Variants in PCDHA1 observed in about 807,000 individuals in gnomAD.
PCDHA1 encodes protocadherin alpha 1, also known as protocadherin alpha-1.
PCDHA1 carries 42 observed loss-of-function variants against 61.3 expected under a neutral mutation model. The ratio of observed to expected loss-of-function variants is 0.69; its 90% CI spans 0.54 to 0.89. The LOEUF (loss-of-function observed/expected upper bound fraction) is 0.89, where lower values mean the gene tolerates loss of function less well. Ranked by LOEUF, PCDHA1 falls within the 40% of genes least tolerant of loss-of-function variation. The pLI is 0.00. For synonymous variants in PCDHA1, 610 were observed against 553.8 expected, an observed-to-expected ratio of 1.10 and a Z score of -1.43; for missense variants, 1,256 against 1,235.3, an observed-to-expected ratio of 1.02 and a Z score of -0.25.
At chr5:140,888,394 C>T (rs1554183448) in intron 1 of PCDHA1, among the ~76,000 whole-genome samples, 2 of 152,134 alleles carry the variant, frequency 1.3e-5, no homozygotes, top group African/African-American at 2.4e-5. Flanking sequence ...TGCTAAACAC[C>T]ATCCAATTGC....
At chr5:140,839,863 C>T (rs1776446345) in intron 1 of PCDHA1, among the ~76,000 whole-genome samples, 1 of 151,846 alleles carries the variant, frequency 6.6e-6, no homozygotes, top group African/African-American at 2.4e-5. Flanking sequence ...TTGAGGTGGA[C>T]TTTGAAAGAT....
rs549399459 is a variant in PCDHA1, at chr5:140,802,727, A to G, written c.2394+14043A>G. 111 of 1,612,528 alleles carry G rather than the reference A, an allele frequency of 6.9e-5. 1 individual carries two copies. In the South Asian group the frequency reaches 9.4e-4, roughly 14 times the overall value. On this transcript the variant is annotated intron_variant, in intron 1 of 3. Coordinates refer to ENST00000504120, the MANE Select transcript of PCDHA1 (RefSeq NM_018900.4). ...GCGCGCTGTCGAGCTACGTGTCGGT[A>G]CACGCGGAGAGCGGCAAGGTGTACG... is the stretch of plus-strand genomic sequence containing the variant.
chr5:140,802,011 G>A (rs952664867), intron 1 of PCDHA1: 4 of 1,614,198 alleles, frequency 2.5e-6, no homozygotes, highest in Non-Finnish European at 3.4e-6. Flanking sequence ...TTTGGATGAA[G>A]GAGTAAATAA....
intron 3 of PCDHA1, among the ~76,000 whole-genome samples, chr5:141,005,531 G>A (rs1441846175): frequency 1.3e-5 from 2 of 151,072 alleles, no homozygotes; most frequent in African/African-American, 4.9e-5. Context: ...GTGAAACCCC[G>A]TCTCTACTAA....
intron 3 of PCDHA1, among the ~76,000 whole-genome samples, chr5:140,991,295 A>G (rs1215731555): frequency 6.6e-6 from 1 of 152,202 alleles, no homozygotes; most frequent in African/African-American, 2.4e-5. Context: ...TTAACACATT[A>G]CTATTATCTT....
chr5:140,829,701 C>A, intron 1 of PCDHA1: 1 of 1,613,356 alleles, frequency 6.2e-7, no homozygotes, highest in Non-Finnish European at 8.5e-7. Context: ...CAGGTGAGCG[C>A]GCGCGACGCG....
chr5:140,875,986 T>C, intron 1 of PCDHA1: 1 of 1,613,998 alleles, frequency 6.2e-7, no homozygotes, highest in East Asian at 2.2e-5. Context: ...GACCTATGCG[T>C]TAAGTCTAAA....
intron 1 of PCDHA1, chr5:140,968,997 G>A (rs1459602291): frequency 6.2e-7 from 1 of 1,614,092 alleles, no homozygotes; most frequent in African/African-American, 1.3e-5. Flanking sequence ...TGCTGTGGAG[G>A]CTTCTGTGGA....
intron 1 of PCDHA1, chr5:140,803,124 C>G (rs142727818): frequency 1.2e-6 from 2 of 1,613,836 alleles, no homozygotes; most frequent in Non-Finnish European, 1.7e-6. Flanking sequence ...GGTGGACGCC[C>G]CGCGCCATCG....
intron 1 of PCDHA1, among the ~76,000 whole-genome samples, chr5:140,805,850 A>G (rs1763639602): frequency 6.6e-6 from 1 of 152,200 alleles, no homozygotes; most frequent in South Asian, 2.1e-4. Context: ...ATATGCGATC[A>G]CCTTAAATTA....
At chr5:140,887,928 A>G (rs1345223604) in intron 1 of PCDHA1, among the ~76,000 whole-genome samples, 1 of 152,138 alleles carries the variant, frequency 6.6e-6, no homozygotes, top group Non-Finnish European at 1.5e-5. Flanking sequence ...TTCAGAGACC[A>G]TATTTATTTC....
At chr5:140,828,560 G>C (rs2150156766) in intron 1 of PCDHA1, 1 of 1,614,210 alleles carries the variant, frequency 6.2e-7, no homozygotes, top group South Asian at 1.1e-5. Context: ...ACTGGAGGGC[G>C]CGTCCGATGC....
intron 3 of PCDHA1, among the ~76,000 whole-genome samples, chr5:140,985,770 C>T (rs1456292041): frequency 1.5e-5 from 2 of 132,222 alleles, no homozygotes; most frequent in African/African-American, 2.8e-5. Flanking sequence ...GAGACAGTCT[C>T]GCTCTGTCGC....
chr5:140,847,566 G>A (rs1309857788), intron 1 of PCDHA1: 2 of 149,184 alleles, frequency 1.3e-5, no homozygotes, highest in African/African-American at 4.9e-5. Context: ...ATTGCCCCGA[G>A]TACTAAGGAT....
intron 1 of PCDHA1, chr5:140,853,984 T>A: frequency 1.9e-6 from 1 of 534,780 alleles, no homozygotes; most frequent in Non-Finnish European, 2.5e-6. Context: ...ACCAATGTAG[T>A]GAGACTCATC....
chr5:140,957,937 A>G (rs2095399590), intron 1 of PCDHA1, among the ~76,000 whole-genome samples: 1 of 152,112 alleles, frequency 6.6e-6, no homozygotes, highest in Admixed American at 6.5e-5. Flanking sequence ...AAATAATTTA[A>G]AGATCTTTAA....
At chr5:140,834,093 G>A (rs1772786951) in intron 1 of PCDHA1, among the ~76,000 whole-genome samples, 1 of 152,132 alleles carries the variant, frequency 6.6e-6, no homozygotes, top group Non-Finnish European at 1.5e-5. Flanking sequence ...TAACAACAAT[G>A]AAGAAAAAAA....
intron 1 of PCDHA1, chr5:140,929,361 C>T (rs115903226): frequency 3.5e-5 from 53 of 1,519,472 alleles, no homozygotes; most frequent in Middle Eastern, 1.8e-4. Context: ...TCCTTTGGCC[C>T]GGAGATGGCT....
intron 1 of PCDHA1, chr5:140,842,797 C>T (rs1554139391): frequency 1.3e-6 from 2 of 1,594,372 alleles, no homozygotes; most frequent in East Asian, 2.2e-5. Context: ...TGGTGTCCTA[C>T]TCGCTTGTGG....
Sources: allele counts gnomAD v4.1 joint callset (sites outside exome capture counted in the v4.1 genomes callset), GRCh38; gene constraint gnomAD v4.1.1; transcripts MANE v1.5; gene names NCBI Gene and HGNC (gene_info 2026-07-23, HGNC 2026-07-21).